Variants in MRPL3 observed in about 807,000 individuals in gnomAD.
MRPL3 encodes the protein mitochondrial ribosomal protein L3, also known as large ribosomal subunit protein uL3m.
Under a neutral mutation model 44.3 loss-of-function variants are expected in MRPL3, and 43 were observed. That is an observed-to-expected ratio of 0.97 (90% CI 0.76 to 1.25). The LOEUF is 1.25. Ranked by LOEUF, MRPL3 falls within the 50% of genes most tolerant of loss-of-function variation. The pLI, the probability that MRPL3 is intolerant of heterozygous loss-of-function variation, is 0.00. For synonymous variants in MRPL3, 171 were observed against 152.3 expected, an observed-to-expected ratio of 1.12 and a Z score of -0.91; for missense variants, 406 against 427.6, an observed-to-expected ratio of 0.95 and a Z score of 0.45.
At chr3:131,495,584 A>G (rs1934349729) in intron 4 of MRPL3, among the ~76,000 whole-genome samples, 1 of 152,208 alleles carries the variant, frequency 6.6e-6, no homozygotes, top group Non-Finnish European at 1.5e-5. Flanking sequence ...GTGCTATGTA[A>G]CCACTGAAGA....
chr3:131,470,936 T>G (rs1933728403), intron 7 of MRPL3, among the ~76,000 whole-genome samples: 1 of 152,130 alleles, frequency 6.6e-6, no homozygotes, highest in African/African-American at 2.4e-5. Flanking sequence ...AAATTTAGAC[T>G]CAGGGTATAT....
chr3:131,492,761 A>G (rs1934286232), intron 4 of MRPL3, among the ~76,000 whole-genome samples: 1 of 152,100 alleles, frequency 6.6e-6, no homozygotes, highest in African/African-American at 2.4e-5. Context: ...AGCTTCCTGA[A>G]AGCAGAGACT....
At chr3:131,499,509 G>C (rs1934447431) in intron 3 of MRPL3, among the ~76,000 whole-genome samples, 1 of 152,270 alleles carries the variant, frequency 6.6e-6, no homozygotes. Flanking sequence ...AGTTTCTTCA[G>C]AGTTCACAAA....
At chr3:131,484,753 A>C (rs1282391432) in intron 6 of MRPL3, among the ~76,000 whole-genome samples, 1 of 152,192 alleles carries the variant, frequency 6.6e-6, no homozygotes, top group African/African-American at 2.4e-5. Context: ...GAATCCTATA[A>C]ATTTACAAGC....
At position 131,502,817 on chromosome 3, in the gene MRPL3, G is replaced by A. The variant is rs754078829; in HGVS notation, c.5C>T (p.Pro2Leu). M[P>L]GWRLLTQVGA... Reference sequence around the variant, plus strand: ...GACCTGCGTCAGCAGCCTCCAACCCGGCATGGATTAGCCCGGGAAGACTCG... The same window carrying A: ...GACCTGCGTCAGCAGCCTCCAACCCAGCATGGATTAGCCCGGGAAGACTCG... The change falls in exon 1 of 10, where the codon CCG (proline) becomes CTG (leucine). Residue 2 changes from proline (P) to leucine (L), a missense_variant. Pro to Leu is a moderately conservative substitution (Grantham distance 98, BLOSUM62 -3). Transcript: ENST00000264995. 6.8e-6 allele frequency: 11 copies of A among 1,611,930 alleles called. No individual in the cohort carries two copies. Among genetic ancestry groups the A allele is most frequent in the Non-Finnish European group, 9.3e-6 (11 of 1,179,330 alleles).
At chr3:131,484,392 T>C (rs1007196794) in intron 6 of MRPL3, among the ~76,000 whole-genome samples, 2 of 152,098 alleles carry the variant, frequency 1.3e-5, no homozygotes, top group Non-Finnish European at 2.9e-5. Context: ...CAAGAGATTA[T>C]AAAGCCTACT....
intron 4 of MRPL3, among the ~76,000 whole-genome samples, chr3:131,491,595 A>G (rs531183555): frequency 6.6e-6 from 1 of 152,190 alleles, no homozygotes; most frequent in African/African-American, 2.4e-5. Flanking sequence ...GCAACTCCAT[A>G]ATGCTGCCGT....
chr3:131,492,699 C>G (rs1934284727), intron 4 of MRPL3, among the ~76,000 whole-genome samples: 2 of 152,064 alleles, frequency 1.3e-5, no homozygotes, highest in Admixed American at 1.3e-4. Flanking sequence ...GATGGGGACC[C>G]CTGTTCTATG....
intron 2 of MRPL3, among the ~76,000 whole-genome samples, chr3:131,501,137 C>T (rs1468833505): frequency 2.6e-5 from 4 of 152,210 alleles, no homozygotes; most frequent in African/African-American, 7.2e-5. Context: ...ACACAAAGAG[C>T]TGATCCAGGG....
chr3:131,496,741 A>G (rs1934377964), intron 4 of MRPL3, among the ~76,000 whole-genome samples: 1 of 152,168 alleles, frequency 6.6e-6, no homozygotes, highest in South Asian at 2.1e-4. Flanking sequence ...AATCTCCTAA[A>G]AACTCTTTCC....
In MRPL3 at chr3:131,465,774, T is replaced by C. The variant is rs561825221; in HGVS notation, c.894+2317A>G. ...ATACTCTGGCTTCAACTATCTGTCA[T>C]TGTAAGTATGACTGCCTTACTTGGG... On this transcript the variant is annotated intron_variant, in intron 9 of 9. Transcript: ENST00000264995. Among the ~76,000 whole-genome samples, 207 of 152,304 alleles carry C rather than the reference T, an allele frequency of 1.4e-3. 1 individual carries two copies. Among genetic ancestry groups the C allele is most frequent in the African/African-American group, 4.5e-3 (188 of 41,570 alleles).
At chr3:131,480,250 C>T (rs981368423) in intron 6 of MRPL3, among the ~76,000 whole-genome samples, 2 of 152,132 alleles carry the variant, frequency 1.3e-5, no homozygotes, top group Non-Finnish European at 2.9e-5. Context: ...CTGTAAAGTG[C>T]GGCAGTCAAT....
chr3:131,497,806 AAAC>A (rs1240285423), intron 4 of MRPL3, among the ~76,000 whole-genome samples: 1 of 152,228 alleles, frequency 6.6e-6, no homozygotes, highest in Non-Finnish European at 1.5e-5. Context: ...ATGAAACATA[AAAC>A]AATAACAAAA....
chr3:131,489,994 A>G lies in MRPL3; in HGVS notation c.555T>C (p.Ala185=). The G allele has an allele frequency of 6.2e-7, 1 of 1,605,994 alleles. No homozygotes were observed. Among genetic ancestry groups the G allele is most frequent in the South Asian group, 1.1e-5 (1 of 90,808 alleles). The change falls in exon 5 of 10, where the codon GCT becomes GCC. Residue 185 remains alanine (A), a synonymous_variant. Coordinates refer to ENST00000264995, the MANE Select transcript of MRPL3 (RefSeq NM_007208.4). The part of the protein sequence containing the change: ...TVKIFNITDN[A]AIKPGTPLYA... ...ACCTCAAATTACCTGGTTTAATTGC[A>G]GCATTATCTGTTATATTAAAGATTT...
intron 3 of MRPL3, 151 bp downstream of exon 3, chr3:131,500,279 C>G: frequency 1.7e-6 from 1 of 596,144 alleles, no homozygotes; most frequent in Non-Finnish European, 2.9e-6. Context: ...CTGAAACCAC[C>G]ATAAGTTCTT....
At chr3:131,479,644 G>A (rs1250239510) in intron 6 of MRPL3, among the ~76,000 whole-genome samples, 2 of 152,142 alleles carry the variant, frequency 1.3e-5, no homozygotes, top group African/African-American at 4.8e-5. Context: ...AGGAGATCCA[G>A]ACCATCCTGG....
At chr3:131,474,610 T>C (rs1460723986) in intron 6 of MRPL3, among the ~76,000 whole-genome samples, 1 of 152,110 alleles carries the variant, frequency 6.6e-6, no homozygotes, top group African/African-American at 2.4e-5. Flanking sequence ...AATTTGATCA[T>C]TATACAATAT....
intron 6 of MRPL3, among the ~76,000 whole-genome samples, chr3:131,476,665 A>G (rs1041898362): frequency 1.3e-5 from 2 of 152,184 alleles, no homozygotes; most frequent in African/African-American, 4.8e-5. Flanking sequence ...GATGTATTTT[A>G]TTTAGAGTAT....
chr3:131,468,049 CAA>C (rs56928817), intron 9 of MRPL3, 40 bp downstream of exon 9: 18,232 of 833,282 alleles, frequency 0.022, 6 homozygotes, highest in South Asian at 0.032. Context: ...GAGTAAGAAA[CAA>C]AAAAAAAAAA....
Sources: gnomAD v4.1 joint callset for allele counts (sites outside exome capture counted in the v4.1 genomes callset) on GRCh38, gnomAD v4.1.1 for gene constraint, MANE v1.5 for transcripts, NCBI Gene and HGNC (gene_info 2026-07-23, HGNC 2026-07-21) for gene names.